COL24A1: variants seen among roughly 807,000 people sequenced by gnomAD.
COL24A1 encodes collagen alpha-1(XXIV) chain.
A neutral mutation model predicts 253.9 loss-of-function variants in COL24A1; 224 were observed. The observed-to-expected ratio is 0.88, with a 90% CI of 0.79 to 0.99. COL24A1 has a LOEUF of 0.99. Ranked by LOEUF, COL24A1 falls within the 50% of genes least tolerant of loss-of-function variation. The pLI, the probability that COL24A1 is intolerant of heterozygous loss-of-function variation, is 0.00. For missense variants in COL24A1, 2,131 were observed against 2,068.5 expected (o/e 1.03, Z -0.59); for synonymous variants, 685 against 673.7 (o/e 1.02, Z -0.26).
At chr1:85,826,878 C>G (rs1020491244) in intron 43 of COL24A1, among the ~76,000 whole-genome samples, 2 of 152,164 alleles carry the variant, frequency 1.3e-5, no homozygotes, top group African/African-American at 4.8e-5. Flanking sequence ...CAAAGAGGGA[C>G]AATTTGACTT....
At chr1:85,995,012 T>C (rs1694641388) in intron 19 of COL24A1, among the ~76,000 whole-genome samples, 1 of 152,162 alleles carries the variant, frequency 6.6e-6, no homozygotes, top group Non-Finnish European at 1.5e-5. Context: ...GAGCAGAAAA[T>C]ATAGCACAGC....
intron 5 of COL24A1, among the ~76,000 whole-genome samples, chr1:86,096,675 A>T (rs1230347781): frequency 3.3e-5 from 5 of 152,130 alleles, no homozygotes; most frequent in Non-Finnish European, 7.4e-5. Context: ...TCTCTGTCTT[A>T]TAAGCTTACC....
At chr1:86,077,359 G>A (rs895329211) in intron 7 of COL24A1, among the ~76,000 whole-genome samples, 5 of 152,196 alleles carry the variant, frequency 3.3e-5, no homozygotes, top group Non-Finnish European at 5.9e-5. Flanking sequence ...AGAGGATGTG[G>A]AGAAACAGGA....
At chr1:85,867,324 T>C (rs545397006) in intron 37 of COL24A1, among the ~76,000 whole-genome samples, 66 of 152,334 alleles carry the variant, frequency 4.3e-4, no homozygotes, top group Middle Eastern at 3.4e-3. Context: ...AGTTCCTCAG[T>C]CTTTACTGAG....
intron 3 of COL24A1, among the ~76,000 whole-genome samples, chr1:86,118,255 G>A (rs1400394747): frequency 6.6e-6 from 1 of 151,970 alleles, no homozygotes; most frequent in East Asian, 1.9e-4. Context: ...AGTAGAGACG[G>A]GGTTTCACCA....
chr1:85,840,773 G>C (rs1676525370), intron 42 of COL24A1, among the ~76,000 whole-genome samples: 1 of 151,966 alleles, frequency 6.6e-6, no homozygotes, highest in African/African-American at 2.4e-5. Context: ...AAAGGTTATT[G>C]GTTCTAATAA....
chr1:85,987,805 TTTAACACTGGAA>T (rs1198116704), intron 19 of COL24A1, 151 bp from the exon 20 acceptor site: 1 of 629,730 alleles, frequency 1.6e-6, no homozygotes, highest in African/African-American at 1.9e-5. Flanking sequence ...TAGGCAGTTG[TTTAACACTGGAA>T]TATAAAACTT....
At chr1:86,036,761 A>C (rs1359825787) in intron 12 of COL24A1, among the ~76,000 whole-genome samples, 2 of 152,204 alleles carry the variant, frequency 1.3e-5, no homozygotes, top group East Asian at 3.8e-4. Context: ...TTAATTTTAT[A>C]ATACAAAAGA....
chr1:85,771,505 T>C (rs1193132473), intron 53 of COL24A1, among the ~76,000 whole-genome samples: 1 of 152,186 alleles, frequency 6.6e-6, no homozygotes, highest in Non-Finnish European at 1.5e-5. Flanking sequence ...CTACTACTGA[T>C]GGACATTTGG....
Position 85,960,926 on chromosome 1 carries a change from TA to T in COL24A1, c.2562+322del, listed in dbSNP as rs774797677. 4 of 165,662 alleles carry T rather than the reference TA, an allele frequency of 2.4e-5. No homozygotes were observed. The Admixed American group carries it at 2.7e-4, about 11-fold the overall frequency. The allele number at this position is 165,662 out of a possible 1,614,324, so 10.3% of individuals were successfully genotyped here. On this transcript the variant is annotated intron_variant, in intron 24 of 59. Transcript: ENST00000370571. Reference sequence around the variant, plus strand: ...ATAAATAAATAAATAAATAAATAAATAAAATAGTGAAAAATGTTAAGGTCAA... The same window carrying T: ...ATAAATAAATAAATAAATAAATAAATAAATAGTGAAAAATGTTAAGGTCAA...
chr1:85,911,584 T>C, intron 24 of COL24A1, 151 bp from the exon 25 acceptor site: 1 of 687,770 alleles, frequency 1.5e-6, no homozygotes, highest in East Asian at 2.6e-5. Context: ...AGCTATGCAG[T>C]CTGTGACTTC....
intron 24 of COL24A1, among the ~76,000 whole-genome samples, chr1:85,913,134 T>C (rs1685535115): frequency 6.6e-6 from 1 of 152,214 alleles, no homozygotes; most frequent in Admixed American, 6.5e-5. Flanking sequence ...TCTGTGGTTT[T>C]TAAGTGTAAG....
At chr1:85,740,723 C>T (rs752008670) in intron 57 of COL24A1, among the ~76,000 whole-genome samples, 15 of 151,910 alleles carry the variant, frequency 9.9e-5, no homozygotes, top group East Asian at 2.0e-4. Flanking sequence ...CTGTCCACCT[C>T]GGTCTCCCAA....
In COL24A1 at chr1:85,927,179, C is replaced by G. The variant is rs1687369493; in HGVS notation, c.2563-15746G>C. Among the ~76,000 whole-genome samples, 4 of 152,294 alleles carry G rather than the reference C, an allele frequency of 2.6e-5. No homozygotes were observed. The South Asian group carries it at 8.3e-4, about 32-fold the overall frequency. ...CTTCCATCTGAGGTACCGGGTTCAT[C>G]TCACTAGGGAGTGCCAGACAGTGGG... On this transcript the variant is annotated intron_variant, in intron 24 of 59. Transcript: ENST00000370571.
chr1:85,857,785 A>C (rs947529177), intron 37 of COL24A1, among the ~76,000 whole-genome samples: 3 of 152,098 alleles, frequency 2.0e-5, no homozygotes, highest in Non-Finnish European at 4.4e-5. Context: ...TCAGATTTTA[A>C]ATTTTCTCTT....
chr1:85,871,666 T>C (rs1016817275), intron 35 of COL24A1, among the ~76,000 whole-genome samples: 43 of 152,288 alleles, frequency 2.8e-4, no homozygotes, highest in African/African-American at 1.0e-3. Context: ...CTAAAAACTC[T>C]CCATTAATTA....
intron 5 of COL24A1, among the ~76,000 whole-genome samples, chr1:86,106,641 A>T (rs1036127298): frequency 1.3e-5 from 2 of 152,206 alleles, no homozygotes; most frequent in Non-Finnish European, 2.9e-5. Flanking sequence ...CGCGCTGCAA[A>T]TAAATAGAAT....
rs754203425 is a variant in COL24A1 at position 86,124,892 on chromosome 1, G to C, written c.1444C>G (p.Leu482Val). ...GGCCCTCTCAGATACTCCATTTCAA[G>C]CATTGTATTTAGATCCTCATAATAA... ...YYYYEDLNTM[L>V]EMEYLRGPKG... Residue 482 changes from leucine to valine, a missense_variant, in exon 3 of 60, where the codon CTT becomes GTT. Physicochemically the swap from Leu to Val is conservative, Grantham distance 32. Transcript: ENST00000370571. 1 of 1,601,912 alleles carries C rather than the reference G, an allele frequency of 6.2e-7. No individual in the cohort carries two copies. Among genetic ancestry groups the C allele is most frequent in the South Asian group, 1.1e-5 (1 of 88,566 alleles).
At chr1:85,845,535 T>C (rs1460837465) in intron 39 of COL24A1, among the ~76,000 whole-genome samples, 1 of 151,916 alleles carries the variant, frequency 6.6e-6, no homozygotes, top group Non-Finnish European at 1.5e-5. Context: ...TCATGACTTC[T>C]ATTCACTGCT....
Sources: gnomAD v4.1 joint callset for allele counts (sites outside exome capture counted in the v4.1 genomes callset) on GRCh38, gnomAD v4.1.1 for gene constraint, MANE v1.5 for transcripts, NCBI Gene and HGNC (gene_info 2026-07-23, HGNC 2026-07-21) for gene names.